Variants in SMIM35 observed in about 807,000 individuals in gnomAD.
The protein encoded by SMIM35 is small integral membrane protein 35, also known as TMPRSS4 antisense RNA 1 (non-protein coding).
intron 2 of SMIM35, 130 bp from the exon 3 acceptor site, chr11:118,014,871 G>A (rs1462199861): frequency 2.5e-6 from 1 of 396,604 alleles, no homozygotes; most frequent in Non-Finnish European, 4.4e-6. Flanking sequence ...CCTCAGGATG[G>A]TGTGGGAGCA....
At chr11:118,051,766 C>A (rs1944217798) in intron 1 of SMIM35, among the ~76,000 whole-genome samples, 1 of 152,172 alleles carries the variant, frequency 6.6e-6, no homozygotes, top group Admixed American at 6.5e-5. Context: ...GTGGTTTCAC[C>A]TCTACAGTGA....
At chr11:118,012,972 C>T (rs1021104501) in intron 4 of SMIM35, among the ~76,000 whole-genome samples, 11 of 152,188 alleles carry the variant, frequency 7.2e-5, no homozygotes, top group Non-Finnish European at 4.4e-5. Context: ...GCTGGTTCTC[C>T]AGGACATCTG....
chr11:118,014,566 C>T lies in SMIM35; in HGVS notation c.158+142G>A, dbSNP rs2058168770. On this transcript the variant is annotated intron_variant, in intron 3 of 4. Coordinates refer to ENST00000689828, the MANE Select transcript of SMIM35 (RefSeq NM_001394165.1). ...CATGGGACTTTTCTAAATGGATTCT[C>T]GTGCCCTTCTTTTATTTTCTTAGGG... 5 of 396,648 alleles carry T rather than the reference C, an allele frequency of 1.3e-5. No individual in the cohort carries two copies. The South Asian group carries it at 4.1e-4, about 33-fold the overall frequency. The allele number at this position is 396,648 out of a possible 1,614,324, so 24.6% of individuals were successfully genotyped here.
At chr11:118,039,883 A>G (rs1261102108) in intron 1 of SMIM35, among the ~76,000 whole-genome samples, 5 of 151,706 alleles carry the variant, frequency 3.3e-5, no homozygotes, top group African/African-American at 9.7e-5. Flanking sequence ...CGTCTCTACT[A>G]AAAATACAAA....
intron 1 of SMIM35, chr11:118,025,600 G>C (rs542388442): frequency 1.8e-5 from 8 of 453,568 alleles, no homozygotes; most frequent in Non-Finnish European, 3.5e-5. Flanking sequence ...CTTTTGAGAA[G>C]TGTCTGTTCA....
intron 1 of SMIM35, among the ~76,000 whole-genome samples, chr11:118,085,463 A>G (rs1038079665): frequency 6.6e-6 from 1 of 152,110 alleles, no homozygotes; most frequent in East Asian, 1.9e-4. Context: ...GGCTGGAGTC[A>G]GTCCCAATCA....
chr11:118,064,960 C>T (rs558737975), intron 1 of SMIM35, among the ~76,000 whole-genome samples: 3 of 152,336 alleles, frequency 2.0e-5, no homozygotes, highest in Admixed American at 6.5e-5. Flanking sequence ...TAATATTAAA[C>T]GCTAGCCTTC....
chr11:118,056,818 C>A (rs1944317954), intron 1 of SMIM35, among the ~76,000 whole-genome samples: 1 of 152,154 alleles, frequency 6.6e-6, no homozygotes, highest in Non-Finnish European at 1.5e-5. Context: ...GATCATTTAA[C>A]ACCATTTGCA....
intron 1 of SMIM35, among the ~76,000 whole-genome samples, chr11:118,057,631 G>A (rs904561679): frequency 6.6e-6 from 1 of 152,226 alleles, no homozygotes; most frequent in African/African-American, 2.4e-5. Flanking sequence ...AGTGTTGCTG[G>A]CCAGGTGTGG....
chr11:118,004,728 G>GA lies in SMIM35; in HGVS notation c.*1681dup, dbSNP rs796970385. The GA allele has an allele frequency of 3.5e-4, 54 of 152,298 alleles. No homozygotes were observed. The highest frequency in any genetic ancestry group is 1.3e-3 in the African/African-American group (54 of 41,552). 9.4% of individuals were successfully genotyped at this position (152,298 alleles called of 1,614,324 possible). ...TCACGCGATGACTTCCTGCCTTGAG[G>GA]AAAAGCAGGCTGCCATCCCTTCAAC... is the stretch of plus-strand genomic sequence containing the variant. On this transcript the variant is annotated 3_prime_UTR_variant, in exon 5 of 5. Transcript: ENST00000689828.
chr11:118,068,378 G>C (rs1319977964), intron 1 of SMIM35, among the ~76,000 whole-genome samples: 5 of 152,164 alleles, frequency 3.3e-5, no homozygotes, highest in Admixed American at 2.6e-4. Context: ...TTTGCCAACA[G>C]GATGACAGCA....
chr11:118,047,039 A>T (rs1944108300), intron 1 of SMIM35, among the ~76,000 whole-genome samples: 2 of 152,172 alleles, frequency 1.3e-5, no homozygotes, highest in Admixed American at 6.5e-5. Context: ...TACTTCCCTA[A>T]GCAAGATAAA....
At chr11:118,079,582 C>T (rs1270810731) in intron 1 of SMIM35, among the ~76,000 whole-genome samples, 1 of 152,198 alleles carries the variant, frequency 6.6e-6, no homozygotes, top group African/African-American at 2.4e-5. Context: ...CATTACTGTT[C>T]CGGAGACCTA....
At chr11:118,065,043 G>T (rs1944450374) in intron 1 of SMIM35, among the ~76,000 whole-genome samples, 2 of 152,188 alleles carry the variant, frequency 1.3e-5, no homozygotes, top group Non-Finnish European at 2.9e-5. Flanking sequence ...TCCCAACTCA[G>T]AAATGACCAG....
At chr11:118,047,069 C>T (rs906099869) in intron 1 of SMIM35, among the ~76,000 whole-genome samples, 1 of 152,162 alleles carries the variant, frequency 6.6e-6, no homozygotes, top group Non-Finnish European at 1.5e-5. Context: ...TAGAAGTGAG[C>T]TTCCCTACCA....
intron 1 of SMIM35, among the ~76,000 whole-genome samples, chr11:118,062,339 C>G (rs1384163650): frequency 1.3e-5 from 2 of 152,172 alleles, no homozygotes; most frequent in Non-Finnish European, 2.9e-5. Flanking sequence ...CAAAAACAAA[C>G]AAACAAAAGT....
At chr11:118,070,018 G>GC (rs1327946399) in intron 1 of SMIM35, among the ~76,000 whole-genome samples, 1 of 152,164 alleles carries the variant, frequency 6.6e-6, no homozygotes, top group Non-Finnish European at 1.5e-5. Flanking sequence ...TCGAGATCAT[G>GC]CCATTCACCA....
At chr11:118,011,030 G>A (rs2058147369) in intron 4 of SMIM35, among the ~76,000 whole-genome samples, 1 of 152,258 alleles carries the variant, frequency 6.6e-6, no homozygotes, top group Non-Finnish European at 1.5e-5. Flanking sequence ...GCAAAGTCCA[G>A]GGGTAAGGCC....
intron 1 of SMIM35, among the ~76,000 whole-genome samples, chr11:118,058,335 C>G (rs1480989506): frequency 1.3e-5 from 2 of 152,132 alleles, no homozygotes; most frequent in African/African-American, 4.8e-5. Flanking sequence ...TTCTCTCCTC[C>G]TATCCCAGTC....
Sources: gnomAD v4.1 joint callset for allele counts (sites outside exome capture counted in the v4.1 genomes callset) on GRCh38, gnomAD v4.1.1 for gene constraint, MANE v1.5 for transcripts, NCBI Gene and HGNC (gene_info 2026-07-23, HGNC 2026-07-21) for gene names.